Variants in PIK3R3 observed in about 807,000 individuals in gnomAD.
PIK3R3 encodes phosphoinositide-3-kinase regulatory subunit 3.
In PIK3R3, 64 loss-of-function variants were observed where a neutral mutation model predicts 62.9. That is an observed-to-expected ratio of 1.02 (90% confidence interval 0.83 to 1.25). The LOEUF is 1.25. Ranked by LOEUF, PIK3R3 falls within the 50% of genes most tolerant of loss-of-function variation. The probability of loss-of-function intolerance (pLI) is 0.00; values close to 1 mark genes in which losing one functional copy is unlikely to be tolerated. For missense variants in PIK3R3, 614 were observed against 561.6 expected (o/e 1.09, Z -0.94); for synonymous variants, 165 against 189.0 (o/e 0.87, Z 1.04).
At chr1:46,099,961 A>G (rs2149440163) in intron 1 of PIK3R3, among the ~76,000 whole-genome samples, 1 of 152,328 alleles carries the variant, frequency 6.6e-6, no homozygotes, top group South Asian at 2.1e-4. Flanking sequence ...TCATGTCTGC[A>G]GGACATTTGT....
Position 46,131,916 on chromosome 1 carries a change from C to G in PIK3R3, c.37G>C (p.Ala13Pro), listed in dbSNP as rs771431827. The change falls in exon 1 of 10, where the codon GCA (alanine) becomes CCA (proline). Residue 13 changes from alanine (A) to proline (P), a missense_variant. Coordinates refer to ENST00000262741, the MANE Select transcript of PIK3R3 (RefSeq NM_003629.4). Reference protein sequence around the residue: ...NTVWSMDRDDADWREVMMPYS... With the variant: ...NTVWSMDRDDPDWREVMMPYS... ...GGCATCATCACCTCCCTCCAGTCTG[C>G]GTCATCGCGGTCCATACTCCACACC... 1 of 1,613,446 alleles carries G rather than the reference C, an allele frequency of 6.2e-7. No individual in the cohort carries two copies. Among genetic ancestry groups the G allele is most frequent in the Non-Finnish European group, 8.5e-7 (1 of 1,179,644 alleles).
At chr1:46,099,023 G>C (rs918279596) in intron 1 of PIK3R3, among the ~76,000 whole-genome samples, 1 of 152,100 alleles carries the variant, frequency 6.6e-6, no homozygotes, top group Non-Finnish European at 1.5e-5. Context: ...GATGGTTACA[G>C]GACTTCTTTT....
At chr1:46,064,766 G>A (rs1442850679) in intron 5 of PIK3R3, among the ~76,000 whole-genome samples, 1 of 152,018 alleles carries the variant, frequency 6.6e-6, no homozygotes, top group Non-Finnish European at 1.5e-5. Context: ...AAATTTGTGA[G>A]ATGCATATAC....
intron 1 of PIK3R3, 42 bp from the exon 2 acceptor site, chr1:46,080,792 T>C: frequency 2.2e-6 from 3 of 1,348,336 alleles, no homozygotes; most frequent in Non-Finnish European, 3.2e-6. Flanking sequence ...GTAAATTATT[T>C]ACTGTTTTCT....
chr1:46,120,081 T>C (rs1415764543), intron 1 of PIK3R3, among the ~76,000 whole-genome samples: 4 of 152,194 alleles, frequency 2.6e-5, no homozygotes, highest in Admixed American at 2.6e-4. Flanking sequence ...TTTAGAATTT[T>C]AAGTGTATAG....
At chr1:46,074,300 A>C (rs1310719967) in intron 3 of PIK3R3, among the ~76,000 whole-genome samples, 49 of 138,650 alleles carry the variant, frequency 3.5e-4, no homozygotes, top group Non-Finnish European at 6.2e-4. Context: ...AAAAAAAAAA[A>C]AAAAAAAAAA....
At chr1:46,146,130 A>C in the PIK3R3 span, among the ~76,000 whole-genome samples, 1 of 152,210 alleles carries the variant, frequency 6.6e-6, no homozygotes, top group African/African-American at 2.4e-5. Flanking sequence ...AGGAGACTCC[A>C]ACTACATTCT....
At chr1:46,080,502 T>C (rs1650477751) in intron 2 of PIK3R3, 140 bp downstream of exon 2, 2 of 661,546 alleles carry the variant, frequency 3.0e-6, no homozygotes, top group African/African-American at 1.8e-5. Context: ...ATCATGTGAT[T>C]CTTCAGCCTC....
intron 3 of PIK3R3, among the ~76,000 whole-genome samples, chr1:46,070,252 AGGGATG>A (rs1382907112): frequency 6.6e-6 from 1 of 152,214 alleles, no homozygotes; most frequent in Non-Finnish European, 1.5e-5. Context: ...AGTAGATTAG[AGGGATG>A]GGATGGGATC....
At chr1:46,165,548 C>T in the PIK3R3 span, among the ~76,000 whole-genome samples, 4 of 151,536 alleles carry the variant, frequency 2.6e-5, no homozygotes, top group South Asian at 4.1e-4. Context: ...TCAGATGATC[C>T]GCCGTTCTCA....
At chr1:46,133,308 G>A (rs1357454806), upstream of PIK3R3, among the ~76,000 whole-genome samples, 2 of 152,248 alleles carry the variant, frequency 1.3e-5, no homozygotes, top group East Asian at 3.8e-4. Flanking sequence ...GAGACAGGCG[G>A]GGCTCCTGCT....
intron 1 of PIK3R3, among the ~76,000 whole-genome samples, chr1:46,119,809 G>A (rs369232233): frequency 6.4e-4 from 88 of 137,086 alleles, no homozygotes; most frequent in Middle Eastern, 7.7e-3. Context: ...ACAGGGTCTC[G>A]CTCTGTCACC....
the PIK3R3 span, among the ~76,000 whole-genome samples, chr1:46,159,260 C>G: frequency 6.6e-6 from 1 of 152,098 alleles, no homozygotes; most frequent in African/African-American, 2.4e-5. Context: ...TCTCTTTCCA[C>G]TAGATTATAA....
In PIK3R3 at chr1:46,044,039, C is replaced by T. The variant is rs942404068; in HGVS notation, c.1188-168G>A. Among the ~76,000 whole-genome samples, 3 of 151,908 alleles carry T rather than the reference C, an allele frequency of 2.0e-5. No homozygotes were observed. Among genetic ancestry groups the T allele is most frequent in the Non-Finnish European group, 2.9e-5 (2 of 68,012 alleles). On this transcript the variant is annotated intron_variant, in intron 9 of 9. Coordinates refer to ENST00000262741, the MANE Select transcript of PIK3R3 (RefSeq NM_003629.4). This position sits in a 1 kb window ranked among gnomAD's most constrained non-coding sequence, Gnocchi z 4.2. ...TTCCCTACAGACTTGGCCACAGATACGGGTGTTAAAACAACCACAAATGTA... is the reference window on the plus strand; with the variant it reads ...TTCCCTACAGACTTGGCCACAGATATGGGTGTTAAAACAACCACAAATGTA...
the PIK3R3 span, among the ~76,000 whole-genome samples, chr1:46,155,368 C>T: frequency 1.3e-5 from 2 of 151,346 alleles, no homozygotes; most frequent in African/African-American, 2.4e-5. Flanking sequence ...GGAAACTCTG[C>T]GGAGTCAGAT....
At chr1:46,088,637 G>A (rs1278386822) in intron 1 of PIK3R3, among the ~76,000 whole-genome samples, 2 of 152,060 alleles carry the variant, frequency 1.3e-5, no homozygotes, top group Non-Finnish European at 2.9e-5. Flanking sequence ...AGAAAGATAA[G>A]AGAATCAGAG....
the PIK3R3 span, among the ~76,000 whole-genome samples, chr1:46,170,736 TTA>T: frequency 6.6e-6 from 1 of 152,164 alleles, no homozygotes; most frequent in African/African-American, 2.4e-5. Context: ...TGGTTTAAGC[TTA>T]TGTGTCCCAG....
At chr1:46,100,809 T>G (rs1652589178) in intron 1 of PIK3R3, among the ~76,000 whole-genome samples, 1 of 152,198 alleles carries the variant, frequency 6.6e-6, no homozygotes, top group Non-Finnish European at 1.5e-5. Context: ...AAAAGTCATG[T>G]GCATCTTTTG....
At chr1:46,142,567 G>A in the PIK3R3 span, among the ~76,000 whole-genome samples, 5 of 152,096 alleles carry the variant, frequency 3.3e-5, no homozygotes, top group Admixed American at 1.3e-4. Flanking sequence ...GCGTGGTGGC[G>A]GGCGCCTGTA....
Sources: gnomAD v4.1 joint callset for allele counts (sites outside exome capture counted in the v4.1 genomes callset) on GRCh38, gnomAD v4.1.1 for gene constraint, Gnocchi (gnomAD v3.1) non-coding constraint, MANE v1.5 for transcripts, NCBI Gene and HGNC (gene_info 2026-07-23, HGNC 2026-07-21) for gene names.